EXOC4: variants seen among roughly 807,000 people sequenced by gnomAD.
The protein encoded by EXOC4 is exocyst complex component 4, also known as SEC8-like 1.
In EXOC4, 71 loss-of-function variants were observed where a neutral mutation model predicts 107.2. That is an observed-to-expected ratio of 0.66 (90% confidence interval 0.55 to 0.81). The LOEUF is 0.81. Ranked by LOEUF, EXOC4 falls within the 30% of genes least tolerant of loss-of-function variation. The pLI is 0.00. For missense variants in EXOC4, 1,108 were observed against 1,189.6 expected (o/e 0.93, Z 1.01); for synonymous variants, 456 against 441.2 (o/e 1.03, Z -0.42).
intron 10 of EXOC4, among the ~76,000 whole-genome samples, chr7:133,630,482 G>C (rs987125422): frequency 6.6e-6 from 1 of 151,642 alleles, no homozygotes; most frequent in Non-Finnish European, 1.5e-5. Flanking sequence ...CTCTGCACAC[G>C]TATTTTTAAA....
At chr7:133,541,847 A>AT (rs949456895) in intron 9 of EXOC4, among the ~76,000 whole-genome samples, 1 of 151,958 alleles carries the variant, frequency 6.6e-6, no homozygotes, top group Non-Finnish European at 1.5e-5. Context: ...ATTGGGACTA[A>AT]TTTTTTGGGA....
intron 14 of EXOC4, among the ~76,000 whole-genome samples, chr7:133,980,731 G>T (rs1281962059): frequency 6.6e-6 from 1 of 152,110 alleles, no homozygotes; most frequent in East Asian, 1.9e-4. Flanking sequence ...CTCTCAACTG[G>T]CATAAACACA....
At chr7:133,494,447 G>C (rs1799434048) in intron 9 of EXOC4, among the ~76,000 whole-genome samples, 1 of 152,194 alleles carries the variant, frequency 6.6e-6, no homozygotes, top group South Asian at 2.1e-4. Flanking sequence ...GCTGAAAGAG[G>C]ACTGATAAAA....
chr7:133,597,588 A>AC (rs113773298), intron 9 of EXOC4, among the ~76,000 whole-genome samples: 19,484 of 143,812 alleles, frequency 0.14, 1,431 homozygotes, highest in East Asian at 0.24. Context: ...CAAAAAAAAA[A>AC]CCCCGAATCC....
chr7:133,589,762 C>G (rs1488540023), intron 9 of EXOC4, among the ~76,000 whole-genome samples: 1 of 152,176 alleles, frequency 6.6e-6, no homozygotes, highest in Non-Finnish European at 1.5e-5. Flanking sequence ...TGGGGATGGT[C>G]TGCTGCCGTA....
At position 133,498,140 on chromosome 7, in the gene EXOC4, C is replaced by G. The variant is rs564772976; in HGVS notation, c.1417+18002C>G. ...CCCTACCACTCCCAAGCCCGCTTTT[C>G]TTTCGGTGCACCTGATTTTGTTAAA... On this transcript the variant is annotated intron_variant, in intron 9 of 17. Coordinates refer to ENST00000253861, the MANE Select transcript of EXOC4 (RefSeq NM_021807.4). 3.3e-5 allele frequency among the ~76,000 whole-genome samples: 5 copies of G among 152,260 alleles called. No homozygotes were observed. The South Asian group carries it at 1.0e-3, about 32-fold the overall frequency.
intron 17 of EXOC4, among the ~76,000 whole-genome samples, chr7:134,048,108 A>G (rs772394322): frequency 2.0e-5 from 3 of 152,234 alleles, no homozygotes; most frequent in Non-Finnish European, 4.4e-5. Context: ...GGGGGCCACA[A>G]GACCAGATGA....
chr7:134,056,110 A>T (rs1219053512), intron 17 of EXOC4, among the ~76,000 whole-genome samples: 1 of 152,208 alleles, frequency 6.6e-6, no homozygotes, highest in Non-Finnish European at 1.5e-5. Context: ...ATTGGGTTAA[A>T]TGATATGTAG....
intron 10 of EXOC4, among the ~76,000 whole-genome samples, chr7:133,729,845 C>T (rs1203905906): frequency 6.6e-6 from 1 of 151,812 alleles, no homozygotes; most frequent in African/African-American, 2.4e-5. Flanking sequence ...AGATTCTCTC[C>T]TCACTACAGA....
intron 10 of EXOC4, among the ~76,000 whole-genome samples, chr7:133,761,576 T>G (rs1262936700): frequency 1.3e-5 from 2 of 152,140 alleles, no homozygotes; most frequent in African/African-American, 4.8e-5. Context: ...CTCAGTGAAG[T>G]TCCCACGGCT....
intron 7 of EXOC4, among the ~76,000 whole-genome samples, chr7:133,441,802 C>T (rs1393827403): frequency 6.6e-6 from 1 of 152,192 alleles, no homozygotes; most frequent in Non-Finnish European, 1.5e-5. Context: ...AATTTTGACT[C>T]ACACTGTTAA....
At chr7:133,881,268 C>G (rs538913032) in intron 11 of EXOC4, among the ~76,000 whole-genome samples, 4 of 151,550 alleles carry the variant, frequency 2.6e-5, no homozygotes, top group Non-Finnish European at 4.4e-5. Context: ...ACATACCCCC[C>G]CAACCCCACT....
At chr7:133,520,735 T>C (rs1314092008) in intron 9 of EXOC4, among the ~76,000 whole-genome samples, 1 of 152,166 alleles carries the variant, frequency 6.6e-6, no homozygotes, top group African/African-American at 2.4e-5. Context: ...CCTTCATTCC[T>C]CTTGTCTTAA....
intron 1 of EXOC4, among the ~76,000 whole-genome samples, chr7:133,258,669 CG>C (rs1795072696): frequency 6.6e-6 from 1 of 152,046 alleles, no homozygotes; most frequent in South Asian, 2.1e-4. Flanking sequence ...ATAAATTTGC[CG>C]GATAGCAACC....
intron 11 of EXOC4, among the ~76,000 whole-genome samples, chr7:133,837,312 C>G (rs943520427): frequency 6.6e-6 from 1 of 152,128 alleles, no homozygotes; most frequent in South Asian, 2.1e-4. Context: ...GTCTGGGCCT[C>G]AATTTTCTCA....
intron 8 of EXOC4, among the ~76,000 whole-genome samples, chr7:133,475,995 A>G (rs1374704125): frequency 6.6e-6 from 1 of 152,158 alleles, no homozygotes; most frequent in Non-Finnish European, 1.5e-5. Flanking sequence ...GGCAACAGCT[A>G]ATAGTTAATA....
At chr7:133,408,119 T>G (rs1262475230) in intron 7 of EXOC4, among the ~76,000 whole-genome samples, 3 of 151,470 alleles carry the variant, frequency 2.0e-5, no homozygotes, top group Non-Finnish European at 4.4e-5. Flanking sequence ...GGTAGAGATG[T>G]TGGTGGTGAT....
intron 5 of EXOC4, among the ~76,000 whole-genome samples, chr7:133,329,061 A>G (rs542249109): frequency 9.2e-5 from 14 of 152,236 alleles, no homozygotes; most frequent in Non-Finnish European, 1.8e-4. Context: ...ACACCAATCA[A>G]ATGTAGATTT....
intron 10 of EXOC4, among the ~76,000 whole-genome samples, chr7:133,650,855 A>G (rs1404277072): frequency 1.3e-5 from 2 of 149,182 alleles, no homozygotes; most frequent in East Asian, 3.9e-4. Context: ...CCTATTTTCT[A>G]GGTTATTTAT....
Sources: allele counts gnomAD v4.1 joint callset (sites outside exome capture counted in the v4.1 genomes callset), GRCh38; gene constraint gnomAD v4.1.1; transcripts MANE v1.5; gene names NCBI Gene and HGNC (gene_info 2026-07-23, HGNC 2026-07-21).